The following THSD7B variants were observed in gnomAD, a reference collection of about 807,000 sequenced individuals.
THSD7B encodes thrombospondin type-1 domain-containing protein 7B.
A neutral mutation model predicts 213.6 loss-of-function variants in THSD7B; 138 were observed. That is an observed-to-expected ratio of 0.65 (90% confidence interval 0.56 to 0.74). The LOEUF is 0.74. THSD7B is among the 30% of genes least tolerant of loss of function. The pLI, the probability that THSD7B is intolerant of heterozygous loss-of-function variation, is 0.00. For synonymous variants in THSD7B, 742 were observed against 687.0 expected (o/e 1.08, Z -1.25); for missense variants, 1,931 against 1,991.5 (o/e 0.97, Z 0.58).
chr2:136,874,502 G>A (rs568217791), intron 1 of THSD7B, among the ~76,000 whole-genome samples: 63 of 152,318 alleles, frequency 4.1e-4, no homozygotes, highest in Admixed American at 2.1e-3. Context: ...CATAATCACA[G>A]TTTCCTTTTC....
intron 25 of THSD7B, 26 bp from the exon 26 acceptor site, chr2:137,663,357 C>G: frequency 6.7e-7 from 1 of 1,493,764 alleles, no homozygotes; most frequent in South Asian, 1.4e-5. Flanking sequence ...CACTGTGTAA[C>G]CATAAAAATA....
chr2:137,161,169 G>T (rs2104985154), intron 6 of THSD7B, among the ~76,000 whole-genome samples: 1 of 152,100 alleles, frequency 6.6e-6, no homozygotes, highest in East Asian at 1.9e-4. Context: ...GGCCTCTATG[G>T]TCTAGTTTTC....
chr2:137,188,527 C>T (rs552684630), intron 7 of THSD7B, among the ~76,000 whole-genome samples: 10 of 152,288 alleles, frequency 6.6e-5, no homozygotes, highest in Non-Finnish European at 8.8e-5. Flanking sequence ...ATCTCTCTTA[C>T]GGAAACTCAT....
intron 2 of THSD7B, among the ~76,000 whole-genome samples, chr2:136,946,968 G>A (rs544708640): frequency 6.6e-5 from 10 of 151,974 alleles, no homozygotes; most frequent in Admixed American, 2.0e-4. Flanking sequence ...GCCCCGCTTC[G>A]GCTCACCCTC....
rs1434479645 is a variant in THSD7B, at chr2:137,487,338, G to A, written c.3138+36315G>A. 9.7e-5 allele frequency among the ~76,000 whole-genome samples: 11 copies of A among 113,118 alleles called. No individual in the cohort carries two copies. In the South Asian group the frequency reaches 1.1e-3, roughly 12 times the overall value. The allele number at this position is 113,118 out of a possible 152,430, so 74.2% of individuals were successfully genotyped here. On this transcript the variant is annotated intron_variant, in intron 15 of 27. Coordinates refer to ENST00000409968, the MANE Select transcript of THSD7B (RefSeq NM_001316349.2). ...AGCCGAGATTGCGCCACTGCAGTCCGCAGTCCGGCCTGGGCGACAGAGCGA... is the reference window on the plus strand; with the variant it reads ...AGCCGAGATTGCGCCACTGCAGTCCACAGTCCGGCCTGGGCGACAGAGCGA...
intron 2 of THSD7B, among the ~76,000 whole-genome samples, chr2:136,996,784 C>G (rs1425594915): frequency 6.6e-6 from 1 of 152,146 alleles, no homozygotes; most frequent in African/African-American, 2.4e-5. Flanking sequence ...ACAAATACTT[C>G]TAGCAAATGC....
chr2:137,402,794 C>T (rs1415377619), intron 12 of THSD7B, among the ~76,000 whole-genome samples: 1 of 126,594 alleles, frequency 7.9e-6, no homozygotes, highest in Non-Finnish European at 1.6e-5. Context: ...CTAGCCTGTG[C>T]AGTGAAGCGA....
chr2:137,494,880 TG>T (rs1243046156), intron 15 of THSD7B, among the ~76,000 whole-genome samples: 4 of 152,186 alleles, frequency 2.6e-5, no homozygotes. Flanking sequence ...ACTCAATCCA[TG>T]TATCCATTCT....
At chr2:137,572,293 C>T in intron 16 of THSD7B, 113 bp from the exon 17 acceptor site, 2 of 1,296,346 alleles carry the variant, frequency 1.5e-6, no homozygotes, top group South Asian at 1.5e-5. Flanking sequence ...GGTTTCTGTG[C>T]TGGTCTTATG....
At chr2:137,526,732 T>G (rs2105174055) in intron 15 of THSD7B, among the ~76,000 whole-genome samples, 1 of 152,228 alleles carries the variant, frequency 6.6e-6, no homozygotes, top group South Asian at 2.1e-4. Context: ...CCAGTTTAAT[T>G]AGTTTTTATT....
chr2:137,346,488 C>T (rs1211765457), intron 12 of THSD7B, among the ~76,000 whole-genome samples: 3 of 151,350 alleles, frequency 2.0e-5, no homozygotes, highest in Non-Finnish European at 4.4e-5. Flanking sequence ...TTCTCTCTCT[C>T]TCTCTCTCTC....
At chr2:137,134,325 T>C (rs1470685083) in intron 5 of THSD7B, among the ~76,000 whole-genome samples, 1 of 152,204 alleles carries the variant, frequency 6.6e-6, no homozygotes, top group Non-Finnish European at 1.5e-5. Flanking sequence ...GTTCTTGTTT[T>C]CTTATGGTAT....
chr2:137,146,920 A>G (rs1439555478), intron 5 of THSD7B, among the ~76,000 whole-genome samples: 1 of 151,970 alleles, frequency 6.6e-6, no homozygotes, highest in Non-Finnish European at 1.5e-5. Flanking sequence ...GTAGTAGCAG[A>G]CTCTTAGTTT....
intron 26 of THSD7B, among the ~76,000 whole-genome samples, chr2:137,666,404 C>A (rs1042261413): frequency 5.9e-5 from 9 of 152,030 alleles, no homozygotes; most frequent in Admixed American, 2.0e-4. Flanking sequence ...CTACATTGAA[C>A]CTCATTCTAA....
At chr2:136,878,294 C>T (rs1250831981) in intron 1 of THSD7B, among the ~76,000 whole-genome samples, 2 of 152,210 alleles carry the variant, frequency 1.3e-5, no homozygotes, top group African/African-American at 4.8e-5. Flanking sequence ...ATATGTGCCA[C>T]ATTTTCTTAA....
intron 16 of THSD7B, among the ~76,000 whole-genome samples, chr2:137,568,182 G>A (rs113383395): frequency 0.021 from 3,262 of 152,206 alleles, 125 homozygotes; most frequent in African/African-American, 0.075. Context: ...ATTTAAGTGA[G>A]TTTAAGAGGT....
At chr2:137,671,270 G>A (rs1683570348) in intron 27 of THSD7B, among the ~76,000 whole-genome samples, 1 of 147,676 alleles carries the variant, frequency 6.8e-6, no homozygotes, top group South Asian at 2.1e-4. Flanking sequence ...AAAGCTTGTG[G>A]TATAACAAAT....
chr2:137,635,923 G>T (rs147849968), intron 20 of THSD7B, among the ~76,000 whole-genome samples: 2 of 152,010 alleles, frequency 1.3e-5, no homozygotes, highest in African/African-American at 4.8e-5. Context: ...GGCTGGTCTC[G>T]AACTCCTGAC....
intron 7 of THSD7B, among the ~76,000 whole-genome samples, chr2:137,176,074 C>T (rs559615856): frequency 6.6e-6 from 1 of 152,056 alleles, no homozygotes; most frequent in South Asian, 2.1e-4. Context: ...ATTCTAAATG[C>T]TATTTTAGTA....
Sources: gnomAD v4.1 joint callset for allele counts (sites outside exome capture counted in the v4.1 genomes callset) on GRCh38, gnomAD v4.1.1 for gene constraint, MANE v1.5 for transcripts, NCBI Gene and HGNC (gene_info 2026-07-23, HGNC 2026-07-21) for gene names.